Variants in NOTUM observed in about 807,000 individuals in gnomAD.
The protein encoded by NOTUM is palmitoleoyl-protein carboxylesterase NOTUM.
In NOTUM, 36 loss-of-function variants were observed where a neutral mutation model predicts 65.5. The ratio of observed to expected loss-of-function variants is 0.55; its 90% CI spans 0.42 to 0.73. The LOEUF (loss-of-function observed/expected upper bound fraction) is 0.73, where lower values mean the gene tolerates loss of function less well. Ranked by LOEUF, NOTUM falls within the 30% of genes least tolerant of loss-of-function variation. The pLI, the probability that NOTUM is intolerant of heterozygous loss-of-function variation, is 0.00. For synonymous variants in NOTUM, 356 were observed against 297.9 expected (o/e 1.20, Z -2.01); for missense variants, 659 against 694.2 (o/e 0.95, Z 0.57).
At chr17:81,954,931 A>ATCTC (rs35033192) in intron 9 of NOTUM, among the ~76,000 whole-genome samples, 58 of 110,126 alleles carry the variant, frequency 5.3e-4, no homozygotes, top group East Asian at 3.2e-3. Context: ...ACCGATCTCG[A>ATCTC]TCTCTCTCTC....
intron 9 of NOTUM, among the ~76,000 whole-genome samples, chr17:81,954,826 TG>T (rs2041416295): frequency 6.6e-6 from 1 of 152,050 alleles, no homozygotes; most frequent in South Asian, 2.1e-4. Flanking sequence ...CATGTTGCCC[TG>T]GCTGGTCTTA....
chr17:81,960,628 T>C lies in NOTUM; in HGVS notation c.282A>G (p.Leu94=), dbSNP rs1201227050. 6.5e-7 allele frequency: 1 copy of C among 1,544,254 alleles called. No individual in the cohort carries two copies. The change falls in exon 1 of 11, where the codon CTA becomes CTG. Residue 94 remains leucine, a synonymous_variant. Transcript: ENST00000409678. This position sits in a 1 kb window ranked among gnomAD's most constrained non-coding sequence, Gnocchi z 6.4. ...CGTTGCAGGTCACCGAGGTGTTGAG[T>C]AGGAGGTGCAGGCGCAGGTCCTCGT... ...QLNEDLRLHL[L]LNTSVTCNDG...
At position 81,953,204 on chromosome 17, in the gene NOTUM, C is replaced by G; in HGVS notation, c.1248G>C (p.Arg416Ser). The change falls in exon 11 of 11, where the codon AGG becomes AGC. Residue 416 changes from arginine (R) to serine (S), a missense_variant. Coordinates refer to ENST00000409678, the MANE Select transcript of NOTUM (RefSeq NM_178493.6). ...SLPRALHCWD[R>S]SLHDSHKASK... ...TGGCCTTGTGGCTGTCATGGAGGCT[C>G]CTGTCCCAGCAGTGCAGTGCTCGGG... 6.2e-7 allele frequency: 1 copy of G among 1,612,892 alleles called. No homozygotes were observed. Among genetic ancestry groups the G allele is most frequent in the Non-Finnish European group, 8.5e-7 (1 of 1,179,774 alleles).
chr17:81,959,277 G>A (rs1209151327), intron 3 of NOTUM, 194 bp downstream of exon 3: 9 of 613,472 alleles, frequency 1.5e-5, no homozygotes, highest in African/African-American at 1.1e-4. Flanking sequence ...CAGAGCCGCT[G>A]GGTAAGCGCC....
In NOTUM at chr17:81,958,994, G is replaced by A. The variant is rs377226587; in HGVS notation, c.474C>T (p.Gly158=). 4 of 1,612,584 alleles carry A rather than the reference G, an allele frequency of 2.5e-6. No individual in the cohort carries two copies. Among genetic ancestry groups the A allele is most frequent in the African/African-American group, 2.7e-5 (2 of 74,914 alleles). Residue 158 remains glycine (G), a splice_region_variant and synonymous_variant, in exon 4 of 11, where the codon GGC becomes GGT. Transcript: ENST00000409678. ...CCGGCTGTGAGGACAGGATCCCTGT[G>A]CCTGGGGACACAGAGGCGGTGGGTC... is the stretch of plus-strand genomic sequence containing the variant. The part of the protein sequence containing the change: ...SSRDWPRTRT[G]TGILSSQPEE...
intron 5 of NOTUM, among the ~76,000 whole-genome samples, 163 bp downstream of exon 5, chr17:81,958,172 A>G (rs987740622): frequency 6.6e-6 from 1 of 152,128 alleles, no homozygotes; most frequent in African/African-American, 2.4e-5. Context: ...GCACCCTGGG[A>G]CATACTGTCA....
At chr17:81,958,082 G>A (rs1047118800) in intron 5 of NOTUM, among the ~76,000 whole-genome samples, 174 bp from the exon 6 acceptor site, 2 of 152,188 alleles carry the variant, frequency 1.3e-5, no homozygotes, top group Admixed American at 6.5e-5. Flanking sequence ...AGGCCATGCT[G>A]GGGCCTCCTC....
At chr17:81,959,248 C>G in intron 3 of NOTUM, 1 of 610,882 alleles carries the variant, frequency 1.6e-6, no homozygotes, top group Non-Finnish European at 2.9e-6. Context: ...CCTTGCCCTG[C>G]TTTGACCCTG....
intron 8 of NOTUM, among the ~76,000 whole-genome samples, chr17:81,956,249 A>G (rs1189482192): frequency 1.3e-5 from 2 of 152,134 alleles, no homozygotes; most frequent in Non-Finnish European, 2.9e-5. Flanking sequence ...ACCATTCCTC[A>G]GAGCGTGGGG....
intron 8 of NOTUM, 60 bp downstream of exon 8, chr17:81,956,590 G>T: frequency 8.4e-7 from 1 of 1,196,976 alleles, no homozygotes; most frequent in Non-Finnish European, 1.2e-6. Flanking sequence ...TGGATTTTCA[G>T]AAGCAAGGAA....
At chr17:81,954,451 A>G in intron 9 of NOTUM, 148 bp from the exon 10 acceptor site, 1 of 611,002 alleles carries the variant, frequency 1.6e-6, no homozygotes, top group East Asian at 2.8e-5. Context: ...GCCTCCCCCT[A>G]GTTGGCCAGC....
At chr17:81,959,077 G>A in intron 3 of NOTUM, 82 bp from the exon 4 acceptor site, 2 of 1,211,880 alleles carry the variant, frequency 1.7e-6, no homozygotes, top group Admixed American at 1.7e-5. Context: ...GAGGTGTTGG[G>A]GCTCCTACTT....
At chr17:81,958,482 AC>A in intron 4 of NOTUM, 89 bp from the exon 5 acceptor site, 2 of 860,654 alleles carry the variant, frequency 2.3e-6, no homozygotes, top group South Asian at 2.7e-5. Flanking sequence ...CTCAGAAAAG[AC>A]CATCCCAGGA....
chr17:81,954,551 T>C (rs1395898329), intron 9 of NOTUM, among the ~76,000 whole-genome samples: 6 of 152,240 alleles, frequency 3.9e-5, no homozygotes, highest in Non-Finnish European at 8.8e-5. Flanking sequence ...GGCAAGAGGC[T>C]GCCCTAGACA....
Position 81,956,881 on chromosome 17 carries a change from AC to A in NOTUM, c.887+1del. 6.2e-7 allele frequency: 1 copy of A among 1,608,066 alleles called. No homozygotes were observed. On this transcript the variant is annotated splice_donor_variant, in intron 7 of 10. Transcript: ENST00000409678. LOFTEE classifies it high-confidence loss of function. ...GAGGACGGGCCCTCCCCGCTGCGGC[AC>A]CTGATGCCACGGCGGATGGCCTCCG...
At chr17:81,959,208 T>C in intron 3 of NOTUM, 1 of 619,186 alleles carries the variant, frequency 1.6e-6, no homozygotes, top group Non-Finnish European at 2.9e-6. Context: ...CCGGCTAGGC[T>C]GGACACCAGG....
chr17:81,957,120 C>T (rs2041439466), intron 6 of NOTUM, 46 bp from the exon 7 acceptor site: 1 of 1,514,170 alleles, frequency 6.6e-7, no homozygotes, highest in African/African-American at 1.4e-5. Context: ...GGAAGAGGCA[C>T]TCACCTCCCC....
chr17:81,960,110 G>A lies in NOTUM; in HGVS notation c.324-418C>T, dbSNP rs534384319. On this transcript the variant is annotated intron_variant, in intron 1 of 10. Coordinates refer to ENST00000409678, the MANE Select transcript of NOTUM (RefSeq NM_178493.6). The surrounding 1 kb of genome is among the most constrained non-coding windows in gnomAD (Gnocchi z 6.4). ...GACCCGGCGGGGGAGCCTTCCTGCC[G>A]AGCCCCGACCCCACGCCCAAGTCTC... 2.8e-4 allele frequency among the ~76,000 whole-genome samples: 43 copies of A among 151,982 alleles called. 1 individual carries two copies. The South Asian group carries it at 8.9e-3, about 32-fold the overall frequency.
In NOTUM at chr17:81,952,758, C is replaced by A; in HGVS notation, c.*203G>T. 3.4e-6 allele frequency: 2 copies of A among 596,038 alleles called. No individual in the cohort carries two copies. Among genetic ancestry groups the A allele is most frequent in the East Asian group, 2.8e-5 (1 of 35,850 alleles). 36.9% of individuals were successfully genotyped at this position (596,038 alleles called of 1,614,324 possible). ...ACCCCCAGGCCACAGATGGGGATGA[C>A]AGCAGGTCCCTTGTCTCTGGCTGGG... is the stretch of plus-strand genomic sequence containing the variant. On this transcript the variant is annotated 3_prime_UTR_variant, in exon 11 of 11. Coordinates refer to ENST00000409678, the MANE Select transcript of NOTUM (RefSeq NM_178493.6).
Sources: allele counts gnomAD v4.1 joint callset (sites outside exome capture counted in the v4.1 genomes callset), GRCh38; gene constraint gnomAD v4.1.1; non-coding constraint Gnocchi (gnomAD v3.1); transcripts MANE v1.5; gene names NCBI Gene and HGNC (gene_info 2026-07-23, HGNC 2026-07-21).